Variants in ZNF518B observed in about 807,000 individuals in gnomAD.
ZNF518B encodes zinc finger protein 518B.
ZNF518B carries 23 observed loss-of-function variants against 56.3 expected under a neutral mutation model. That is an observed-to-expected ratio of 0.41 (90% CI 0.29 to 0.58). The LOEUF (loss-of-function observed/expected upper bound fraction) is 0.58. Ranked by LOEUF, ZNF518B falls within the 20% of genes least tolerant of loss-of-function variation. The pLI is 0.32. For synonymous variants in ZNF518B, 529 were observed against 465.9 expected (o/e 1.14, Z -1.74); for missense variants, 1,460 against 1,272.1 (o/e 1.15, Z -2.25).
chr4:10,442,821 A>T lies in ZNF518B; in HGVS notation c.*283T>A, dbSNP rs900964574. 5.5e-6 allele frequency: 2 copies of T among 361,708 alleles called. No individual in the cohort carries two copies. Among genetic ancestry groups the T allele is most frequent in the African/African-American group, 4.1e-5 (2 of 49,032 alleles). 22.4% of individuals were successfully genotyped at this position (361,708 alleles called of 1,614,324 possible). A position where few individuals can be genotyped will look rare whatever the true frequency, so the allele number is the denominator to read the frequency against. On this transcript the variant is annotated 3_prime_UTR_variant, in exon 3 of 3. Coordinates refer to ENST00000326756, the MANE Select transcript of ZNF518B (RefSeq NM_053042.3). ...TCAGAAAACGGGGTGCTAAACAAAG[A>T]AAAGTCTCAGATCCCACTGAAAATC...
At position 10,443,824 on chromosome 4, in the gene ZNF518B, C is replaced by A. The variant is rs1560168395; in HGVS notation, c.2505G>T (p.Met835Ile). ...PLRSERGPID[M>I]SPNIETPLRP... ...GCAGAGGTGTCTCGATATTTGGGGA[C>A]ATATCTATTGGCCCCCTTTCACTTC... Residue 835 changes from methionine (M) to isoleucine (I), a missense_variant, in exon 3 of 3, where the codon ATG becomes ATT. Transcript: ENST00000326756. 1 of 1,614,188 alleles carries A rather than the reference C, an allele frequency of 6.2e-7. No individual in the cohort carries two copies. Among genetic ancestry groups the A allele is most frequent in the East Asian group, 2.2e-5 (1 of 44,894 alleles).
At position 10,442,973 on chromosome 4, in the gene ZNF518B, A is replaced by G; in HGVS notation, c.*131T>C. 1.2e-6 allele frequency: 1 copy of G among 810,006 alleles called. No individual in the cohort carries two copies. The highest frequency in any genetic ancestry group is 1.9e-6 in the Non-Finnish European group (1 of 531,056). 50.2% of individuals were successfully genotyped at this position (810,006 alleles called of 1,614,324 possible). ...CAGGTTCAGACTCCTAGCTCCCAATATTCCTACAGTTCTGAAGAATTAGCA... is the reference window on the plus strand; with the variant it reads ...CAGGTTCAGACTCCTAGCTCCCAATGTTCCTACAGTTCTGAAGAATTAGCA... On this transcript the variant is annotated 3_prime_UTR_variant, in exon 3 of 3. Coordinates refer to ENST00000326756, the MANE Select transcript of ZNF518B (RefSeq NM_053042.3).
chr4:10,450,872 A>G (rs953265361), intron 2 of ZNF518B: 2 of 152,226 alleles, frequency 1.3e-5, no homozygotes, highest in African/African-American at 2.4e-5. Context: ...AAAACACAGA[A>G]AAGAATACCA....
In ZNF518B at chr4:10,445,544, C is replaced by G. The variant is rs66538112; in HGVS notation, c.785G>C (p.Gly262Ala). 0.26 allele frequency: 415,157 copies of G among 1,613,828 alleles called. 55,154 individuals carry two copies. The highest frequency in any genetic ancestry group is 0.31 in the Admixed American group (18,691 of 60,006). The change falls in exon 3 of 3, where the codon GGT becomes GCT. Residue 262 changes from glycine (G) to alanine (A), a missense_variant. Transcript: ENST00000326756. Reference protein sequence around the residue: ...FQNKWSDQLSGFSLHANKDKM... With the variant: ...FQNKWSDQLSAFSLHANKDKM... The stretch of plus-strand genomic sequence containing the variant: ...GTCTTTATTTGCATGGAGAGAGAAA[C>G]CTGACAGTTGGTCTGACCACTTATT...
rs1714942462 is a variant in ZNF518B, at chr4:10,445,298, A to G, written c.1031T>C (p.Leu344Ser). The G allele has an allele frequency of 1.2e-6, 2 of 1,614,110 alleles. No individual in the cohort carries two copies. Among genetic ancestry groups the G allele is most frequent in the South Asian group, 2.2e-5 (2 of 91,086 alleles). Residue 344 changes from leucine to serine, a missense_variant, in exon 3 of 3, where the codon TTA becomes TCA. Coordinates refer to ENST00000326756, the MANE Select transcript of ZNF518B (RefSeq NM_053042.3). The stretch of plus-strand genomic sequence containing the variant: ...AACCTTCACATCTATCAACTGGGCT[A>G]AACAGTTTGCAGGGACAACTAGTTC... ...PAELVVPANC[L>S]AQLIDVKVVN...
At position 10,440,360 on chromosome 4, in the gene ZNF518B, A is replaced by G. The variant is rs1714619513; in HGVS notation, c.*2744T>C. ...ACAATCTCTCACTTCTGGTCCACCA[A>G]AGTAAGAAAACCTACTTTAAAAAAT... On this transcript the variant is annotated 3_prime_UTR_variant, in exon 3 of 3. Transcript: ENST00000326756. 1 of 151,840 alleles carries G rather than the reference A, an allele frequency of 6.6e-6. No individual in the cohort carries two copies. The highest frequency in any genetic ancestry group is 2.1e-4 in the South Asian group (1 of 4,786). The allele number at this position is 151,840 out of a possible 1,614,324, so 9.4% of individuals were successfully genotyped here. A position where few individuals can be genotyped will look rare whatever the true frequency, so the allele number is the denominator to read the frequency against.
chr4:10,440,233 A>C lies in ZNF518B; in HGVS notation c.*2871T>G, dbSNP rs1380552857. 6.6e-6 allele frequency: 1 copy of C among 152,190 alleles called. No homozygotes were observed. Among genetic ancestry groups the C allele is most frequent in the Non-Finnish European group, 1.5e-5 (1 of 68,008 alleles). The allele number at this position is 152,190 out of a possible 1,614,324, so 9.4% of individuals were successfully genotyped here. A position where few individuals can be genotyped will look rare whatever the true frequency, so the allele number is the denominator to read the frequency against. Reference sequence around the variant, plus strand: ...AATGAAGGCTTACAAGATGTTCTCGACTGGGGATACAAAATTGAATATAAT... The same window carrying C: ...AATGAAGGCTTACAAGATGTTCTCGCCTGGGGATACAAAATTGAATATAAT... On this transcript the variant is annotated 3_prime_UTR_variant, in exon 3 of 3. Transcript: ENST00000326756.
chr4:10,455,167 G>A (rs1461642377), intron 1 of ZNF518B, among the ~76,000 whole-genome samples, 179 bp from the exon 2 acceptor site: 1 of 152,170 alleles, frequency 6.6e-6, no homozygotes, highest in Non-Finnish European at 1.5e-5. Context: ...TAGCAGATCA[G>A]GTTACCATTT....
In ZNF518B at chr4:10,441,461, A is replaced by C. The variant is rs866540370; in HGVS notation, c.*1643T>G. On this transcript the variant is annotated 3_prime_UTR_variant, in exon 3 of 3. Transcript: ENST00000326756. ...TGTGAAAAAAAAAAAAAAAAATCAA[A>C]GTCTCCAATCGACTACCCAATAAAC... 8.6e-5 allele frequency: 13 copies of C among 151,162 alleles called. No individual in the cohort carries two copies. The highest frequency in any genetic ancestry group is 2.2e-4 in the African/African-American group (9 of 40,322). The allele number at this position is 151,162 out of a possible 1,614,324, so 9.4% of individuals were successfully genotyped here.
chr4:10,443,680 A>C lies in ZNF518B; in HGVS notation c.2649T>G (p.Ser883Arg), dbSNP rs1415823057. 4 of 1,613,976 alleles carry C rather than the reference A, an allele frequency of 2.5e-6. No homozygotes were observed. The Admixed American group carries it at 6.7e-5, about 27-fold the overall frequency. Residue 883 changes from serine to arginine, a missense_variant, in exon 3 of 3, where the codon AGT becomes AGG. Physicochemically the swap from Ser to Arg is moderately radical, Grantham distance 110. Coordinates refer to ENST00000326756, the MANE Select transcript of ZNF518B (RefSeq NM_053042.3). ...TGGTTTTATTTCTACTTATAGAAAG[A>C]CTTCTGGAAAGCAGTCTCCCTTGCT... ...LNKQGRLLSRSLSISRNKTKQ... is the reference protein window; with the variant it reads ...LNKQGRLLSRRLSISRNKTKQ...
intron 2 of ZNF518B, among the ~76,000 whole-genome samples, chr4:10,448,827 G>C (rs969520099): frequency 1.3e-5 from 2 of 150,394 alleles, no homozygotes; most frequent in African/African-American, 5.0e-5. Flanking sequence ...ACAACTTTCA[G>C]AGGAGTCATT....
Position 10,445,118 on chromosome 4 carries a change from T to A in ZNF518B, c.1211A>T (p.Lys404Met). ...AACATTCCCGTCAACTGTCAGTGAC[T>A]TTGTTTTTTCTGCAGAAAGTACTTT... ...QEKVLSAEKT[K>M]SLTVDGNVGK... The change falls in exon 3 of 3, where the codon AAG (lysine) becomes ATG (methionine). Residue 404 changes from lysine to methionine, a missense_variant. Physicochemically the swap from Lys to Met is moderately conservative, Grantham distance 95. Transcript: ENST00000326756. 6.2e-7 allele frequency: 1 copy of A among 1,614,170 alleles called. No homozygotes were observed. Among genetic ancestry groups the A allele is most frequent in the Non-Finnish European group, 8.5e-7 (1 of 1,180,008 alleles).
At position 10,443,330 on chromosome 4, in the gene ZNF518B, G is replaced by C. The variant is rs1422074763; in HGVS notation, c.2999C>G (p.Ala1000Gly). The change falls in exon 3 of 3, where the codon GCC (alanine) becomes GGC (glycine). Residue 1000 changes from alanine (A) to glycine (G), a missense_variant. Transcript: ENST00000326756. ...VRLTYQNAEE[A>G]SQIKRQMMLK... The stretch of plus-strand genomic sequence containing the variant: ...CATCATTTGCCTTTTAATTTGACTG[G>C]CTTCTTCCGCATTCTGGTAGGTCAG... 6.2e-7 allele frequency: 1 copy of C among 1,614,136 alleles called. No individual in the cohort carries two copies. Among genetic ancestry groups the C allele is most frequent in the Non-Finnish European group, 8.5e-7 (1 of 1,180,002 alleles).
chr4:10,443,231 T>A lies in ZNF518B; in HGVS notation c.3098A>T (p.Gln1033Leu), dbSNP rs199592022. 1.9e-5 allele frequency: 31 copies of A among 1,614,230 alleles called. No individual in the cohort carries two copies. The African/African-American group carries it at 4.1e-4, about 22-fold the overall frequency. The change falls in exon 3 of 3, where the codon CAG becomes CTG. Residue 1033 changes from glutamine to leucine, a missense_variant. Coordinates refer to ENST00000326756, the MANE Select transcript of ZNF518B (RefSeq NM_053042.3). ...VVDSLPDDSS[Q>L]CVFKCWFCGR... ...ACAAAACCAGCACTTAAATACACAC[T>A]GTGAAGAATCATCAGGCAAGGAATC...
chr4:10,449,963 G>C (rs1222014048), intron 2 of ZNF518B, among the ~76,000 whole-genome samples: 4 of 152,152 alleles, frequency 2.6e-5, no homozygotes, highest in African/African-American at 7.2e-5. Context: ...AAAAGTTGGG[G>C]GCGGGAAGGT....
upstream of ZNF518B, among the ~76,000 whole-genome samples, chr4:10,461,286 G>GGCCCACTCTCTTGGCTCTCCTGGCCC (rs1715733809): frequency 1.3e-5 from 2 of 152,264 alleles, no homozygotes; most frequent in African/African-American, 4.8e-5. Flanking sequence ...CTGCGGCGCA[G>GGCCCACTCTCTTGGCTCTCCTGGCCC]GCCCACTCTC....
Position 10,446,010 on chromosome 4 carries a change from C to T in ZNF518B, c.319G>A (p.Ala107Thr). The change falls in exon 3 of 3, where the codon GCG becomes ACG. Residue 107 changes from alanine to threonine, a missense_variant. Transcript: ENST00000326756. ...NFHFVSNNSS[A>T]THVGNKTENF... ...TCAGTTTTATTTCCAACATGAGTCG[C>T]ACTGGAATTATTGCTCACAAAATGA... 1 of 1,614,142 alleles carries T rather than the reference C, an allele frequency of 6.2e-7. No homozygotes were observed. Among genetic ancestry groups the T allele is most frequent in the Non-Finnish European group, 8.5e-7 (1 of 1,180,042 alleles).
At position 10,445,387 on chromosome 4, in the gene ZNF518B, T is replaced by G. The variant is rs1006031897; in HGVS notation, c.942A>C (p.Glu314Asp). Reference sequence around the variant, plus strand: ...CAGGTTCTTTTGCAGGGGATAACACTTCTACTTCAACATTTTTGTTCTCAA... The same window carrying G: ...CAGGTTCTTTTGCAGGGGATAACACGTCTACTTCAACATTTTTGTTCTCAA... Reference protein sequence around the residue: ...NLFENKNVEVEVLSPAKEPVQ... With the variant: ...NLFENKNVEVDVLSPAKEPVQ... Residue 314 changes from glutamate (E) to aspartate (D), a missense_variant, in exon 3 of 3, where the codon GAA becomes GAC. Glu to Asp is a conservative substitution (Grantham distance 45). Transcript: ENST00000326756. 11 of 1,614,120 alleles carry G rather than the reference T, an allele frequency of 6.8e-6. No homozygotes were observed. In the African/African-American group the frequency reaches 1.5e-4, roughly 22 times the overall value.
rs114420725 is a variant in ZNF518B at position 10,443,622 on chromosome 4, T to G, written c.2707A>C (p.Ile903Leu). The change falls in exon 3 of 3, where the codon ATT becomes CTT. Residue 903 changes from isoleucine to leucine, a missense_variant. Ile to Leu is a conservative substitution (Grantham distance 5). Transcript: ENST00000326756. ...AGACAGCGGCTAGGTTCAGCTTGAA[T>G]TTTGTTTTTCTTCCTGGATAAGTGT... ...QVHLSRKKNK[I>L]QAEPSRCLKD... 5.6e-4 allele frequency: 902 copies of G among 1,614,118 alleles called. 2 individuals carry two copies. In the African/African-American group the frequency reaches 9.6e-3, roughly 17 times the overall value.
Sources: allele counts gnomAD v4.1 joint callset (sites outside exome capture counted in the v4.1 genomes callset), GRCh38; gene constraint gnomAD v4.1.1; transcripts MANE v1.5; gene names NCBI Gene and HGNC (gene_info 2026-07-23, HGNC 2026-07-21).